SGCD: variants seen among roughly 807,000 people sequenced by gnomAD.
SGCD encodes the protein sarcoglycan delta.
SGCD carries 18 observed loss-of-function variants against 36.6 expected under a neutral mutation model. That is an observed-to-expected ratio of 0.49 (90% CI 0.34 to 0.73). The LOEUF (loss-of-function observed/expected upper bound fraction) is 0.73. Among genes scored for constraint, SGCD ranks in the 30% least tolerant of loss-of-function variants. The probability of loss-of-function intolerance (pLI) is 0.01; values close to 1 mark genes in which losing one functional copy is unlikely to be tolerated. For synonymous variants in SGCD, 133 were observed against 130.6 expected (o/e 1.02, Z -0.12); for missense variants, 387 against 346.7 (o/e 1.12, Z -0.92).
At chr5:156,082,270 C>T (rs1035509999) in intron 1 of SGCD, among the ~76,000 whole-genome samples, 4 of 37,322 alleles carry the variant, frequency 1.1e-4, no homozygotes, top group Admixed American at 4.9e-4. Context: ...GGCTGGTGGG[C>T]GGGGGGGTCC....
chr5:156,228,586 C>T (rs952007215), intron 3 of SGCD, among the ~76,000 whole-genome samples: 2 of 152,088 alleles, frequency 1.3e-5, no homozygotes, highest in African/African-American at 4.8e-5. Flanking sequence ...GGTATCTGAT[C>T]AATTCTGCAA....
the SGCD span, among the ~76,000 whole-genome samples, chr5:155,855,109 C>A: frequency 1.3e-5 from 2 of 152,144 alleles, no homozygotes; most frequent in Admixed American, 6.6e-5. Context: ...TCTGGACCGA[C>A]CTTTAACTGC....
chr5:156,254,369 C>T (rs892180715), intron 3 of SGCD, among the ~76,000 whole-genome samples: 3 of 152,202 alleles, frequency 2.0e-5, no homozygotes, highest in East Asian at 3.9e-4. Flanking sequence ...TGCTATCCCT[C>T]CCCGCTCCCC....
At chr5:156,241,590 C>A (rs1233345231) in intron 3 of SGCD, among the ~76,000 whole-genome samples, 1 of 152,154 alleles carries the variant, frequency 6.6e-6, no homozygotes, top group Non-Finnish European at 1.5e-5. Context: ...ACTTTCCCAG[C>A]ATTTTCTTCC....
At chr5:156,657,713 G>T (rs968664872) in intron 7 of SGCD, among the ~76,000 whole-genome samples, 7 of 152,086 alleles carry the variant, frequency 4.6e-5, no homozygotes, top group Non-Finnish European at 1.5e-5. Flanking sequence ...AGTTGTAGGG[G>T]TGGGTTGCCC....
chr5:156,309,777 C>G (rs560800715), intron 3 of SGCD, among the ~76,000 whole-genome samples: 3 of 151,848 alleles, frequency 2.0e-5, no homozygotes, highest in Non-Finnish European at 2.9e-5. Flanking sequence ...TGAGCCACCA[C>G]GCCCCACCCG....
At chr5:155,784,008 G>T in the SGCD span, among the ~76,000 whole-genome samples, 1 of 152,154 alleles carries the variant, frequency 6.6e-6, no homozygotes, top group African/African-American at 2.4e-5. Flanking sequence ...TAAGATATTT[G>T]CTGAGGGTAA....
intron 3 of SGCD, among the ~76,000 whole-genome samples, chr5:156,420,825 G>A (rs1176666969): frequency 2.0e-5 from 3 of 152,098 alleles, no homozygotes; most frequent in Non-Finnish European, 4.4e-5. Flanking sequence ...TTGACAAGAT[G>A]AAGAACCATT....
In SGCD at chr5:156,434,696, T is replaced by C. The variant is rs190291615; in HGVS notation, c.193-73905T>C. On this transcript the variant is annotated intron_variant, in intron 3 of 8. Transcript: ENST00000337851. Reference sequence around the variant, plus strand: ...AAAACCAAATTAGCCAAACTTAATGTTTCCCTAATCATTAGGCGATTGAGT... The same window carrying C: ...AAAACCAAATTAGCCAAACTTAATGCTTCCCTAATCATTAGGCGATTGAGT... Among the ~76,000 whole-genome samples the C allele has an allele frequency of 2.3e-4, 35 of 152,280 alleles. No individual in the cohort carries two copies. The East Asian group carries it at 6.6e-3, about 29-fold the overall frequency.
chr5:155,731,284 G>T, the SGCD span, among the ~76,000 whole-genome samples: 1 of 151,020 alleles, frequency 6.6e-6, no homozygotes, highest in African/African-American at 2.4e-5. Context: ...GGATGGAAGG[G>T]AAAATAAATC....
intron 3 of SGCD, among the ~76,000 whole-genome samples, chr5:156,461,624 C>A (rs879793071): frequency 6.6e-6 from 1 of 151,706 alleles, no homozygotes; most frequent in South Asian, 2.1e-4. Context: ...TTCTCGGGTC[C>A]TTTCCCTTTT....
chr5:156,281,677 C>T (rs1766457014), intron 3 of SGCD, among the ~76,000 whole-genome samples: 1 of 152,118 alleles, frequency 6.6e-6, no homozygotes, highest in African/African-American at 2.4e-5. Flanking sequence ...ATATACAAAA[C>T]ATATAAAATA....
intron 1 of SGCD, among the ~76,000 whole-genome samples, chr5:156,043,889 CAGTT>C (rs1475208518): frequency 6.6e-6 from 1 of 152,152 alleles, no homozygotes; most frequent in Non-Finnish European, 1.5e-5. Context: ...CCAAATCTGT[CAGTT>C]AATCAACAAA....
At chr5:155,934,834 A>G (rs955016407) in intron 1 of SGCD, among the ~76,000 whole-genome samples, 3 of 152,226 alleles carry the variant, frequency 2.0e-5, no homozygotes, top group Non-Finnish European at 4.4e-5. Context: ...TTGGTTGTAC[A>G]TACCCCAGAT....
chr5:155,960,250 G>C (rs1425769564), intron 1 of SGCD, among the ~76,000 whole-genome samples: 1 of 151,976 alleles, frequency 6.6e-6, no homozygotes, highest in Admixed American at 6.6e-5. Context: ...TTTCTCTCAG[G>C]GGAAACCTAG....
intron 4 of SGCD, among the ~76,000 whole-genome samples, chr5:156,522,780 A>C (rs1757470114): frequency 6.7e-6 from 1 of 149,222 alleles, no homozygotes; most frequent in Admixed American, 6.7e-5. Flanking sequence ...CGACACACAC[A>C]TCAGTGCTGT....
At chr5:156,694,974 T>G (rs1179929171) in intron 7 of SGCD, among the ~76,000 whole-genome samples, 1 of 152,228 alleles carries the variant, frequency 6.6e-6, no homozygotes, top group Non-Finnish European at 1.5e-5. Flanking sequence ...CTTGGAGCAC[T>G]GAGTAAATGA....
chr5:156,361,420 T>G (rs1769789561), intron 3 of SGCD, among the ~76,000 whole-genome samples: 1 of 152,238 alleles, frequency 6.6e-6, no homozygotes, highest in Non-Finnish European at 1.5e-5. Context: ...TACCTAATCT[T>G]CTCTGACCCT....
intron 4 of SGCD, among the ~76,000 whole-genome samples, chr5:156,566,943 G>C (rs1487173968): frequency 6.6e-6 from 1 of 152,042 alleles, no homozygotes; most frequent in East Asian, 1.9e-4. Context: ...TCTAATCTTT[G>C]GGGAACATAG....
Sources: gnomAD v4.1 joint callset for allele counts (sites outside exome capture counted in the v4.1 genomes callset) on GRCh38, gnomAD v4.1.1 for gene constraint, MANE v1.5 for transcripts, NCBI Gene and HGNC (gene_info 2026-07-23, HGNC 2026-07-21) for gene names.